Variants in SLX4IP observed in about 807,000 individuals in gnomAD.
SLX4IP encodes protein SLX4IP.
In SLX4IP, 34 loss-of-function variants were observed where a neutral mutation model predicts 32.9. The observed-to-expected ratio is 1.03, with a 90% CI of 0.79 to 1.38. The LOEUF (loss-of-function observed/expected upper bound fraction) is 1.38. Ranked by LOEUF, SLX4IP falls within the 40% of genes most tolerant of loss-of-function variation. SLX4IP has a pLI of 0.00. For missense variants in SLX4IP, 444 were observed against 479.0 expected (o/e 0.93, Z 0.68); for synonymous variants, 172 against 171.7 (o/e 1.00, Z -0.01).
At chr20:10,465,936 C>T (rs909519043) in intron 2 of SLX4IP, among the ~76,000 whole-genome samples, 1 of 152,214 alleles carries the variant, frequency 6.6e-6, no homozygotes, top group African/African-American at 2.4e-5. Context: ...GGTACTCCTA[C>T]CTCCTGGTAC....
intron 2 of SLX4IP, among the ~76,000 whole-genome samples, chr20:10,546,041 A>T (rs2066159055): frequency 6.6e-6 from 1 of 152,222 alleles, no homozygotes; most frequent in South Asian, 2.1e-4. Context: ...CCAATGCCTC[A>T]TGATCACACA....
rs375147429 is a variant in SLX4IP at position 10,484,256 on chromosome 20, T to G, written c.27+26025T>G. On this transcript the variant is annotated intron_variant, in intron 2 of 7. Transcript: ENST00000334534. ...ATGAGATAGCCTTTTATTTATTCATTCTGATAGCAAAATATAGCATCTAGT... is the reference window on the plus strand; with the variant it reads ...ATGAGATAGCCTTTTATTTATTCATGCTGATAGCAAAATATAGCATCTAGT... Among the ~76,000 whole-genome samples, 4 of 152,142 alleles carry G rather than the reference T, an allele frequency of 2.6e-5. No individual in the cohort carries two copies. The East Asian group carries it at 5.8e-4, about 22-fold the overall frequency.
Position 10,458,252 on chromosome 20 carries a change from T to C in SLX4IP, c.27+21T>C, listed in dbSNP as rs771624450. 3.8e-6 allele frequency: 6 copies of C among 1,566,888 alleles called. No homozygotes were observed. The East Asian group carries it at 1.4e-4, about 36-fold the overall frequency. On this transcript the variant is annotated intron_variant, in intron 2 of 7. Coordinates refer to ENST00000334534, the MANE Select transcript of SLX4IP (RefSeq NM_001009608.3). ...TTAAAGTAAGTAATGTTTAATAGCT[T>C]TTTAAAAAGAGGCTAATCACTTTCT...
intron 2 of SLX4IP, among the ~76,000 whole-genome samples, chr20:10,502,732 A>T (rs2065729588): frequency 2.0e-5 from 3 of 149,264 alleles, no homozygotes; most frequent in Admixed American, 1.3e-4. Flanking sequence ...ATTCTTTTTC[A>T]TCATACTCAA....
intron 4 of SLX4IP, among the ~76,000 whole-genome samples, chr20:10,579,902 A>C (rs1644365981): frequency 6.6e-6 from 1 of 152,122 alleles, no homozygotes; most frequent in Admixed American, 6.5e-5. Flanking sequence ...TTTTTAACCT[A>C]GCCAGTGCAA....
chr20:10,457,881 T>G (rs2065300514), intron 1 of SLX4IP, among the ~76,000 whole-genome samples: 1 of 152,084 alleles, frequency 6.6e-6, no homozygotes, highest in African/African-American at 2.4e-5. Context: ...TCTTGCTGTG[T>G]TGCCTAGTTT....
chr20:10,574,900 T>TG (rs2066507826), intron 4 of SLX4IP, among the ~76,000 whole-genome samples: 1 of 152,152 alleles, frequency 6.6e-6, no homozygotes, highest in African/African-American at 2.4e-5. Context: ...CTCGAACTCC[T>TG]GATCTCAGGT....
chr20:10,581,891 C>T (rs2066590934), intron 4 of SLX4IP, among the ~76,000 whole-genome samples: 2 of 152,156 alleles, frequency 1.3e-5, no homozygotes, highest in African/African-American at 4.8e-5. Flanking sequence ...CACTGTCCAC[C>T]ATCAAAGCCC....
intron 2 of SLX4IP, among the ~76,000 whole-genome samples, chr20:10,482,848 G>A (rs373339150): frequency 3.3e-5 from 5 of 152,108 alleles, no homozygotes; most frequent in Non-Finnish European, 4.4e-5. Context: ...CTTAAAACAG[G>A]TGAATTTTAC....
chr20:10,599,828 A>G (rs1453829913), intron 5 of SLX4IP, among the ~76,000 whole-genome samples: 2 of 152,188 alleles, frequency 1.3e-5, no homozygotes, highest in Non-Finnish European at 2.9e-5. Context: ...AAATATTAAA[A>G]TAGTACAACT....
chr20:10,547,926 C>T (rs2066179257), intron 2 of SLX4IP, among the ~76,000 whole-genome samples: 1 of 152,236 alleles, frequency 6.6e-6, no homozygotes, highest in African/African-American at 2.4e-5. Context: ...AGTGGACTGA[C>T]AGAGGACAGT....
At position 10,522,992 on chromosome 20, in the gene SLX4IP, T is replaced by C. The variant is rs555740053; in HGVS notation, c.28-33239T>C. 4.6e-5 allele frequency among the ~76,000 whole-genome samples: 7 copies of C among 152,278 alleles called. 1 individual carries two copies. In the South Asian group the frequency reaches 1.5e-3, roughly 32 times the overall value. On this transcript the variant is annotated intron_variant, in intron 2 of 7. Coordinates refer to ENST00000334534, the MANE Select transcript of SLX4IP (RefSeq NM_001009608.3). ...CTCTAAGCCCTGATCATCCTGCAGT[T>C]TCTCCTTGCCATTTAGCCTCTAAGT... is the stretch of plus-strand genomic sequence containing the variant.
intron 2 of SLX4IP, among the ~76,000 whole-genome samples, chr20:10,470,925 G>T (rs225141): frequency 0.59 from 89,614 of 152,044 alleles, 28,292 homozygotes; most frequent in East Asian, 0.91. Context: ...ATTCCTGAAT[G>T]CATGTTGTGG....
chr20:10,462,705 A>G (rs1315154618), intron 2 of SLX4IP, among the ~76,000 whole-genome samples: 1 of 152,168 alleles, frequency 6.6e-6, no homozygotes, highest in Non-Finnish European at 1.5e-5. Flanking sequence ...CAGATATGGG[A>G]TCCAGGAAAT....
At chr20:10,498,998 C>T (rs2065693838) in intron 2 of SLX4IP, among the ~76,000 whole-genome samples, 1 of 152,184 alleles carries the variant, frequency 6.6e-6, no homozygotes, top group Admixed American at 6.5e-5. Flanking sequence ...TGTATATTTA[C>T]ATATGCTTTG....
chr20:10,445,728 G>A (rs1333062018), intron 1 of SLX4IP, among the ~76,000 whole-genome samples: 7 of 150,966 alleles, frequency 4.6e-5, no homozygotes, highest in African/African-American at 1.5e-4. Context: ...GAGTTCAAGC[G>A]ATTCTCCCGC....
chr20:10,603,158 A>G (rs1036334878), intron 6 of SLX4IP, among the ~76,000 whole-genome samples: 6 of 152,254 alleles, frequency 3.9e-5, no homozygotes, highest in East Asian at 1.9e-4. Flanking sequence ...AAATTGATCT[A>G]TGGGTTTAAG....
At chr20:10,501,096 A>G (rs1024405548) in intron 2 of SLX4IP, among the ~76,000 whole-genome samples, 3 of 152,210 alleles carry the variant, frequency 2.0e-5, no homozygotes, top group Admixed American at 1.3e-4. Context: ...ACACCTGAAA[A>G]TAAATCGCGA....
Position 10,623,210 on chromosome 20 carries a change from C to A in SLX4IP, c.1058C>A (p.Thr353Asn). ...CTTTTGAAACAAGATTTGGCAAAAA[C>A]CACGTCTAAGGAAGAGTTGCATGTT... ...GLLLKQDLAK[T>N]TSKEELHVLE... is the part of the protein sequence containing the mutation. The change falls in exon 8 of 8, where the codon ACC (threonine) becomes AAC (asparagine). Residue 353 changes from threonine (T) to asparagine (N), a missense_variant. Coordinates refer to ENST00000334534, the MANE Select transcript of SLX4IP (RefSeq NM_001009608.3). 6.2e-7 allele frequency: 1 copy of A among 1,614,188 alleles called. No homozygotes were observed. The highest frequency in any genetic ancestry group is 1.3e-5 in the African/African-American group (1 of 75,046).
Sources: gnomAD v4.1 joint callset for allele counts (sites outside exome capture counted in the v4.1 genomes callset) on GRCh38, gnomAD v4.1.1 for gene constraint, MANE v1.5 for transcripts, NCBI Gene and HGNC (gene_info 2026-07-23, HGNC 2026-07-21) for gene names.